The following WDR19 variants were observed in gnomAD, a reference collection of about 807,000 sequenced individuals.
The protein encoded by WDR19 is WD repeat domain 19.
A neutral mutation model predicts 180.0 loss-of-function variants in WDR19; 121 were observed. The observed-to-expected ratio is 0.67, with a 90% CI of 0.58 to 0.78. The LOEUF is 0.78. WDR19 is among the 30% of genes least tolerant of loss of function. The pLI, the probability that WDR19 is intolerant of heterozygous loss-of-function variation, is 0.00. For synonymous variants in WDR19, 497 were observed against 540.7 expected (o/e 0.92, Z 1.12); for missense variants, 1,450 against 1,640.7 (o/e 0.88, Z 2.01).
In WDR19 at chr4:39,228,421, C is replaced by T. The variant is rs1577933605; in HGVS notation, c.1777+64C>T. The T allele has an allele frequency of 3.7e-6, 6 of 1,602,072 alleles. No homozygotes were observed. In the East Asian group the frequency reaches 1.1e-4, roughly 30 times the overall value. On this transcript the variant is annotated intron_variant, in intron 16 of 36. Transcript: ENST00000399820. ...ATTTCCCATTGCAGTAAAATTAAAACATTCTTTCTGATGTTTGTGCTGAGT... is the reference window on the plus strand; with the variant it reads ...ATTTCCCATTGCAGTAAAATTAAAATATTCTTTCTGATGTTTGTGCTGAGT...
intron 32 of WDR19, chr4:39,273,408 T>G: frequency 3.8e-6 from 1 of 266,650 alleles, no homozygotes. Context: ...CCGTAACTCC[T>G]CCACGACTGA....
intron 3 of WDR19, 76 bp from the exon 4 acceptor site, chr4:39,189,580 G>T: frequency 2.3e-6 from 3 of 1,316,462 alleles, no homozygotes; most frequent in East Asian, 2.7e-5. Context: ...GAATAATCTT[G>T]TTATAGACAA....
chr4:39,218,521 C>G (rs889641700), intron 14 of WDR19: 3 of 155,730 alleles, frequency 1.9e-5, no homozygotes, highest in Non-Finnish European at 4.2e-5. Flanking sequence ...AATGGCATGC[C>G]TGTATAGGGC....
At chr4:39,241,541 G>T (rs183995474) in intron 21 of WDR19, among the ~76,000 whole-genome samples, 9 of 147,882 alleles carry the variant, frequency 6.1e-5, no homozygotes, top group Non-Finnish European at 1.2e-4. Context: ...AGTGGCTCAC[G>T]CTGGTAACCC....
intron 6 of WDR19, 147 bp downstream of exon 6, chr4:39,199,740 CCTTT>C (rs1577858876): frequency 1.7e-6 from 1 of 574,202 alleles, no homozygotes; most frequent in Non-Finnish European, 2.9e-6. Flanking sequence ...ACTTCAAAAA[CCTTT>C]CTATTTATTG....
chr4:39,183,478 T>C (rs1233282982), intron 1 of WDR19, among the ~76,000 whole-genome samples: 1 of 152,094 alleles, frequency 6.6e-6, no homozygotes, highest in Non-Finnish European at 1.5e-5. Flanking sequence ...GTCACTCTCC[T>C]GACCTCATGA....
At chr4:39,259,943 A>G (rs1034495638) in intron 28 of WDR19, among the ~76,000 whole-genome samples, 3 of 152,140 alleles carry the variant, frequency 2.0e-5, no homozygotes, top group Non-Finnish European at 4.4e-5. Flanking sequence ...AAATGCTTTC[A>G]TACAGTTTTT....
intron 36 of WDR19, among the ~76,000 whole-genome samples, chr4:39,284,439 A>C (rs1340203582): frequency 6.7e-6 from 1 of 150,226 alleles, no homozygotes; most frequent in African/African-American, 2.4e-5. Flanking sequence ...CCTGGGCTCA[A>C]ATGATCTTCC....
rs753066727 is a variant in WDR19 at position 39,228,376 on chromosome 4, G to A, written c.1777+19G>A. 2 of 1,603,222 alleles carry A rather than the reference G, an allele frequency of 1.2e-6. No homozygotes were observed. The highest frequency in any genetic ancestry group is 1.1e-5 in the South Asian group (1 of 90,024). On this transcript the variant is annotated intron_variant, in intron 16 of 36. Transcript: ENST00000399820. ...ATACAAGGTACTAAACCCCTTTTGT[G>A]TATATTCGCTGACAGATGAATTTCC...
chr4:39,239,829 G>A (rs1731730918), intron 20 of WDR19, among the ~76,000 whole-genome samples: 2 of 152,150 alleles, frequency 1.3e-5, no homozygotes, highest in Admixed American at 6.5e-5. Context: ...CATCTTTTGT[G>A]AGCTTAAGCA....
intron 7 of WDR19, among the ~76,000 whole-genome samples, chr4:39,204,548 A>G (rs1727750556): frequency 6.6e-6 from 1 of 152,254 alleles, no homozygotes; most frequent in Non-Finnish European, 1.5e-5. Flanking sequence ...AATTGAGAGC[A>G]TCTTATAATT....
At chr4:39,280,791 A>G (rs894259349) in intron 36 of WDR19, among the ~76,000 whole-genome samples, 1 of 152,200 alleles carries the variant, frequency 6.6e-6, no homozygotes, top group Non-Finnish European at 1.5e-5. Flanking sequence ...CCATCTCTAA[A>G]TAAAAACAGT....
At chr4:39,241,773 C>T (rs1402861847) in intron 21 of WDR19, among the ~76,000 whole-genome samples, 7 of 138,788 alleles carry the variant, frequency 5.0e-5, no homozygotes, top group African/African-American at 1.1e-4. Flanking sequence ...CCAGCCTGGG[C>T]GACAAGAGGG....
At chr4:39,215,722 C>A in intron 10 of WDR19, 119 bp from the exon 11 acceptor site, 2 of 1,067,556 alleles carry the variant, frequency 1.9e-6, no homozygotes, top group African/African-American at 1.6e-5. Context: ...ACTACTTAAA[C>A]TAGTAAGGAA....
rs1263166760 is a variant in WDR19 at position 39,214,653 on chromosome 4, C to T, written c.943C>T (p.Leu315=). 6.3e-7 allele frequency: 1 copy of T among 1,584,118 alleles called. No individual in the cohort carries two copies. Among genetic ancestry groups the T allele is most frequent in the Non-Finnish European group, 8.6e-7 (1 of 1,160,670 alleles). ...AAAAGACATGTATGTTATACTCAACCTGGATGAGGAAAATAAAGGTATTGA... is the reference window on the plus strand; with the variant it reads ...AAAAGACATGTATGTTATACTCAACTTGGATGAGGAAAATAAAGGTATTGA... ...DLKDMYVILN[L]DEENKGLGTL... Residue 315 remains leucine (L), a synonymous_variant, in exon 10 of 37, where the codon CTG becomes TTG. Transcript: ENST00000399820.
At chr4:39,225,553 G>A (rs1303075243) in intron 15 of WDR19, among the ~76,000 whole-genome samples, 1 of 152,144 alleles carries the variant, frequency 6.6e-6, no homozygotes, top group Admixed American at 6.5e-5. Context: ...TAGAAAAAAG[G>A]AGATGTGCCT....
chr4:39,202,826 CCTT>C (rs927052467), intron 6 of WDR19, among the ~76,000 whole-genome samples: 5 of 151,512 alleles, frequency 3.3e-5, no homozygotes, highest in African/African-American at 9.7e-5. Context: ...TCTGCTAACT[CCTT>C]CTCTTGATGC....
intron 24 of WDR19, among the ~76,000 whole-genome samples, chr4:39,247,842 T>C (rs1732700588): frequency 6.6e-6 from 1 of 151,990 alleles, no homozygotes; most frequent in East Asian, 1.9e-4. Flanking sequence ...CTCCAAGAAA[T>C]ATGGGACTAT....
At chr4:39,189,201 G>C (rs1346971704) in intron 3 of WDR19, among the ~76,000 whole-genome samples, 2 of 152,130 alleles carry the variant, frequency 1.3e-5, no homozygotes, top group South Asian at 4.1e-4. Context: ...TGGGATTACA[G>C]GTGTAAGCCA....
Sources: gnomAD v4.1 joint callset for allele counts (sites outside exome capture counted in the v4.1 genomes callset) on GRCh38, gnomAD v4.1.1 for gene constraint, MANE v1.5 for transcripts, NCBI Gene and HGNC (gene_info 2026-07-23, HGNC 2026-07-21) for gene names.